The following GOT2 variants were observed in gnomAD, a reference collection of about 807,000 sequenced individuals.
The protein encoded by GOT2 is aspartate aminotransferase, mitochondrial.
A neutral mutation model predicts 50.0 loss-of-function variants in GOT2; 17 were observed. That is an observed-to-expected ratio of 0.34 (90% confidence interval 0.23 to 0.51). The LOEUF is 0.51. GOT2 is among the 20% of genes least tolerant of loss of function. The pLI, the probability that GOT2 is intolerant of heterozygous loss-of-function variation, is 0.97. For missense variants in GOT2, 430 were observed against 559.6 expected, an observed-to-expected ratio of 0.77 and a Z score of 2.34; for synonymous variants, 172 against 204.9, an observed-to-expected ratio of 0.84 and a Z score of 1.37.
chr16:58,723,991 T>G, intron 1 of GOT2, 89 bp from the exon 2 acceptor site: 1 of 1,219,262 alleles, frequency 8.2e-7, no homozygotes, highest in Non-Finnish European at 1.1e-6. Context: ...TCTTGCTCTG[T>G]TGCCCAGGCT....
At chr16:58,709,226 G>A (rs578252582) in intron 9 of GOT2, 191 bp downstream of exon 9, 2 of 519,018 alleles carry the variant, frequency 3.9e-6, no homozygotes, top group Non-Finnish European at 6.8e-6. Flanking sequence ...TTGCACCACT[G>A]CACTCCAGCC....
chr16:58,724,005 G>A (rs1320366337), intron 1 of GOT2, 103 bp from the exon 2 acceptor site: 2 of 999,972 alleles, frequency 2.0e-6, no homozygotes, highest in Non-Finnish European at 2.9e-6. Context: ...CCAGGCTGGA[G>A]TGCAGTGGTG....
chr16:58,724,890 A>G (rs1484293686), intron 1 of GOT2, among the ~76,000 whole-genome samples: 1 of 152,006 alleles, frequency 6.6e-6, no homozygotes, highest in Non-Finnish European at 1.5e-5. Context: ...GCTTTTACCT[A>G]TTTCTGTTCC....
chr16:58,727,597 G>A (rs749811695), intron 1 of GOT2, among the ~76,000 whole-genome samples: 14 of 152,124 alleles, frequency 9.2e-5, no homozygotes, highest in Non-Finnish European at 1.9e-4. Flanking sequence ...GGGCACTGCA[G>A]GGAGATGATG....
At chr16:58,723,519 A>G (rs968158881) in intron 2 of GOT2, among the ~76,000 whole-genome samples, 1 of 152,168 alleles carries the variant, frequency 6.6e-6, no homozygotes, top group African/African-American at 2.4e-5. Context: ...TTTATAGATG[A>G]TCACAGAACC....
intron 1 of GOT2, 133 bp from the exon 2 acceptor site, chr16:58,724,035 C>T (rs1319414553): frequency 3.9e-5 from 26 of 668,230 alleles, no homozygotes; most frequent in Non-Finnish European, 5.7e-5. Context: ...CTCACTGCAG[C>T]GTTTGCCTCC....
chr16:58,710,677 C>T (rs1336982120), intron 8 of GOT2, among the ~76,000 whole-genome samples: 12 of 150,252 alleles, frequency 8.0e-5, no homozygotes, highest in East Asian at 2.0e-4. Flanking sequence ...GTCAGGAGAT[C>T]GAGACCATCC....
In GOT2 at chr16:58,707,596, C is replaced by T. The variant is rs1163146716; in HGVS notation, c.*575G>A. 3 of 152,128 alleles carry T rather than the reference C, an allele frequency of 2.0e-5. No homozygotes were observed. The allele number at this position is 152,128 out of a possible 1,614,324, so 9.4% of individuals were successfully genotyped here. A position where few individuals can be genotyped will look rare whatever the true frequency, so the allele number is the denominator to read the frequency against. On this transcript the variant is annotated 3_prime_UTR_variant, in exon 10 of 10. Coordinates refer to ENST00000245206, the MANE Select transcript of GOT2 (RefSeq NM_002080.4). ...TCTTTGCGTGTAAGGAAAAGAACGG[C>T]AATGACAAGGGAGAAAAGAGAGCCT...
intron 8 of GOT2, among the ~76,000 whole-genome samples, chr16:58,712,381 G>A (rs970289319): frequency 3.9e-5 from 6 of 152,180 alleles, no homozygotes; most frequent in Non-Finnish European, 8.8e-5. Flanking sequence ...TCATGGTGGT[G>A]GGTGCCTGTG....
At chr16:58,730,183 A>G (rs2044823202) in intron 1 of GOT2, among the ~76,000 whole-genome samples, 1 of 152,170 alleles carries the variant, frequency 6.6e-6, no homozygotes, top group Non-Finnish European at 1.5e-5. Context: ...CTAGCATCTG[A>G]AGGGCAGAGG....
intron 3 of GOT2, among the ~76,000 whole-genome samples, chr16:58,721,041 G>A (rs1205514460): frequency 3.9e-5 from 6 of 152,204 alleles, no homozygotes; most frequent in Non-Finnish European, 7.3e-5. Context: ...GCAGTTGACT[G>A]TATGGACAGA....
chr16:58,730,650 C>A (rs1457428489), intron 1 of GOT2, among the ~76,000 whole-genome samples: 9 of 152,288 alleles, frequency 5.9e-5, no homozygotes, highest in African/African-American at 2.2e-4. Flanking sequence ...CAGGTGTGAG[C>A]CACGGCACCT....
At chr16:58,730,846 T>C (rs2044830121) in intron 1 of GOT2, among the ~76,000 whole-genome samples, 1 of 152,218 alleles carries the variant, frequency 6.6e-6, no homozygotes, top group Non-Finnish European at 1.5e-5. Flanking sequence ...CTCATGCTGA[T>C]AACCTGTGAC....
chr16:58,724,004 A>G, intron 1 of GOT2, 102 bp from the exon 2 acceptor site: 1 of 1,043,878 alleles, frequency 9.6e-7, no homozygotes, highest in South Asian at 1.6e-5. Context: ...CCCAGGCTGG[A>G]GTGCAGTGGT....
intron 8 of GOT2, among the ~76,000 whole-genome samples, chr16:58,711,682 TA>T (rs2044649793): frequency 1.3e-5 from 2 of 152,200 alleles, no homozygotes; most frequent in Non-Finnish European, 2.9e-5. Flanking sequence ...ATTAGCAAAA[TA>T]ATTACTGGCT....
chr16:58,718,447 A>T, intron 5 of GOT2, 80 bp downstream of exon 5: 1 of 1,424,294 alleles, frequency 7.0e-7, no homozygotes, highest in East Asian at 2.3e-5. Flanking sequence ...TAACTCAGAT[A>T]TTGGGACATG....
At chr16:58,714,144 G>A (rs1184464897) in intron 8 of GOT2, among the ~76,000 whole-genome samples, 1 of 151,946 alleles carries the variant, frequency 6.6e-6, no homozygotes, top group East Asian at 1.9e-4. Flanking sequence ...GGGTTCAAGG[G>A]ATCCACCTGC....
At chr16:58,714,573 C>T (rs539576976) in intron 8 of GOT2, among the ~76,000 whole-genome samples, 2 of 149,020 alleles carry the variant, frequency 1.3e-5, no homozygotes, top group South Asian at 4.2e-4. Flanking sequence ...AAAAAATTAG[C>T]TGGGTCTCGT....
intron 1 of GOT2, among the ~76,000 whole-genome samples, chr16:58,727,233 A>G (rs2044794321): frequency 6.6e-6 from 1 of 152,216 alleles, no homozygotes; most frequent in African/African-American, 2.4e-5. Flanking sequence ...GACTCAAGCC[A>G]TCCTCCCACC....
Sources: gnomAD v4.1 joint callset for allele counts (sites outside exome capture counted in the v4.1 genomes callset) on GRCh38, gnomAD v4.1.1 for gene constraint, MANE v1.5 for transcripts, NCBI Gene and HGNC (gene_info 2026-07-23, HGNC 2026-07-21) for gene names.